The following TENM2 variants were observed in gnomAD, a reference collection of about 807,000 sequenced individuals.
TENM2 encodes the protein teneurin-2.
In TENM2, 52 loss-of-function variants were observed where a neutral mutation model predicts 245.2. The observed-to-expected ratio is 0.21, with a 90% CI of 0.17 to 0.27. TENM2 has a LOEUF of 0.27. Among genes scored for constraint, TENM2 ranks in the 10% least tolerant of loss-of-function variants. TENM2 has a pLI of 1.00. For missense variants in TENM2, 3,046 were observed against 3,666.8 expected (o/e 0.83, Z 4.37); for synonymous variants, 1,363 against 1,438.9 (o/e 0.95, Z 1.19).
chr5:168,192,403 AC>A (rs1258915839), intron 14 of TENM2, among the ~76,000 whole-genome samples: 1 of 152,166 alleles, frequency 6.6e-6, no homozygotes, highest in Non-Finnish European at 1.5e-5. Context: ...CCAAAACTTT[AC>A]CAGTCCCAGT....
At chr5:168,032,421 C>T (rs1052790077) in intron 5 of TENM2, among the ~76,000 whole-genome samples, 3 of 152,102 alleles carry the variant, frequency 2.0e-5, no homozygotes, top group African/African-American at 7.2e-5. Flanking sequence ...CAGGAAACAT[C>T]TGGGGTAGTC....
chr5:167,353,798 C>T (rs1411880964), intron 1 of TENM2, among the ~76,000 whole-genome samples: 2 of 151,900 alleles, frequency 1.3e-5, no homozygotes, highest in Non-Finnish European at 2.9e-5. Context: ...TGAGCCACCG[C>T]GCCCGGCCGT....
At chr5:167,677,354 A>T (rs1313373145) in intron 2 of TENM2, among the ~76,000 whole-genome samples, 2 of 152,052 alleles carry the variant, frequency 1.3e-5, no homozygotes, top group African/African-American at 2.4e-5. Flanking sequence ...TCTGCAAGGA[A>T]ACATTTCTTA....
chr5:167,611,801 T>G (rs987858848), intron 2 of TENM2, among the ~76,000 whole-genome samples: 1 of 152,066 alleles, frequency 6.6e-6, no homozygotes, highest in Non-Finnish European at 1.5e-5. Flanking sequence ...AAAGCAGTTC[T>G]CTGGGGCCTC....
chr5:167,327,850 G>T (rs1486052857), intron 1 of TENM2, among the ~76,000 whole-genome samples: 1 of 152,196 alleles, frequency 6.6e-6, no homozygotes, highest in African/African-American at 2.4e-5. Flanking sequence ...CCATTGTGGG[G>T]CTTTGTATGT....
At chr5:167,429,322 C>T (rs552093752) in intron 2 of TENM2, among the ~76,000 whole-genome samples, 1 of 152,222 alleles carries the variant, frequency 6.6e-6, no homozygotes, top group South Asian at 2.1e-4. Context: ...AAGCTTGCCT[C>T]CTATGTTTCT....
chr5:167,695,740 AC>A lies in TENM2; in HGVS notation c.503-180245del, dbSNP rs372902990. The stretch of plus-strand genomic sequence containing the variant: ...GAATGGTGATTTAAAAAAAAAAAAA[AC>A]AAAACAGAATTGGCTGGGTGCGGTG... On this transcript the variant is annotated intron_variant, in intron 2 of 28. Transcript: ENST00000518659. Among the ~76,000 whole-genome samples, 1,829 of 149,924 alleles carry A rather than the reference AC, an allele frequency of 0.012. 61 individuals are homozygous for A. In the East Asian group the frequency reaches 0.13, roughly 11 times the overall value.
intron 3 of TENM2, among the ~76,000 whole-genome samples, chr5:167,922,797 C>T (rs1345141122): frequency 2.0e-5 from 3 of 152,144 alleles, no homozygotes; most frequent in Non-Finnish European, 2.9e-5. Flanking sequence ...AGCCTTACCT[C>T]GGTGTAAGCA....
chr5:167,971,840 A>G (rs1046880630), intron 4 of TENM2, among the ~76,000 whole-genome samples: 1 of 152,258 alleles, frequency 6.6e-6, no homozygotes, highest in Non-Finnish European at 1.5e-5. Flanking sequence ...AAGATCACCT[A>G]GTATAGTCCA....
intron 2 of TENM2, among the ~76,000 whole-genome samples, chr5:167,785,375 T>G (rs1175919701): frequency 6.6e-6 from 1 of 152,204 alleles, no homozygotes; most frequent in African/African-American, 2.4e-5. Flanking sequence ...TTTTTTTTCC[T>G]CCTTGCTCAT....
In TENM2 at chr5:168,037,380, G is replaced by A. The variant is rs148768621; in HGVS notation, c.1187-10047G>A. 7.5e-3 allele frequency among the ~76,000 whole-genome samples: 1,148 copies of A among 152,210 alleles called. 8 individuals carry two copies. Among genetic ancestry groups the A allele is most frequent in the Non-Finnish European group, 0.012 (845 of 68,004 alleles). On this transcript the variant is annotated intron_variant, in intron 5 of 28. Transcript: ENST00000518659. The stretch of plus-strand genomic sequence containing the variant: ...GAAAAAGTACCAAGTTTGCATGCAG[G>A]AGGGAACATATCTATATTGACCACA...
chr5:167,942,942 G>A (rs540598776), intron 3 of TENM2, among the ~76,000 whole-genome samples: 51 of 152,230 alleles, frequency 3.4e-4, no homozygotes, highest in Middle Eastern at 3.4e-3. Flanking sequence ...GTGTGGGTGC[G>A]TACGTGTGTG....
In TENM2 at chr5:167,398,374, C is replaced by CT. The variant is rs377145514; in HGVS notation, c.502+22903dup. On this transcript the variant is annotated intron_variant, in intron 2 of 28. Coordinates refer to ENST00000518659, the Ensembl canonical transcript of TENM2. ...CCTTCTTTCTTTCTTTCCTTTCTTT[C>CT]TTCCTTTCTTTCTTTCTTTCTTTCT... Among the ~76,000 whole-genome samples, 16 of 91,794 alleles carry CT rather than the reference C, an allele frequency of 1.7e-4. No homozygotes were observed. The East Asian group carries it at 3.4e-3, about 20-fold the overall frequency. 60.2% of individuals were successfully genotyped at this position (91,794 alleles called of 152,430 possible).
intron 2 of TENM2, among the ~76,000 whole-genome samples, chr5:167,530,708 G>A (rs1771430617): frequency 6.6e-6 from 1 of 152,152 alleles, no homozygotes; most frequent in Non-Finnish European, 1.5e-5. Flanking sequence ...CTGTAGAGCT[G>A]TTCAGGAAAT....
At chr5:167,214,035 G>A in the TENM2 span, among the ~76,000 whole-genome samples, 1 of 152,184 alleles carries the variant, frequency 6.6e-6, no homozygotes, top group South Asian at 2.1e-4. Context: ...AAGGGATACA[G>A]GACCATAATG....
At chr5:167,233,098 ACT>A in the TENM2 span, among the ~76,000 whole-genome samples, 10 of 152,052 alleles carry the variant, frequency 6.6e-5, no homozygotes, top group African/African-American at 2.4e-4. Flanking sequence ...AACAATAAAT[ACT>A]CTGAGTTTCG....
intron 2 of TENM2, among the ~76,000 whole-genome samples, chr5:167,519,970 A>G (rs1178486434): frequency 6.6e-6 from 1 of 152,214 alleles, no homozygotes; most frequent in Non-Finnish European, 1.5e-5. Flanking sequence ...GTATTTGAAA[A>G]TACCGAAAAC....
intron 13 of TENM2, among the ~76,000 whole-genome samples, chr5:168,169,704 C>G (rs1308970289): frequency 6.6e-6 from 1 of 152,200 alleles, no homozygotes; most frequent in Non-Finnish European, 1.5e-5. Flanking sequence ...GTTCCCATGC[C>G]CAAATAGTCC....
chr5:166,999,454 A>G, the TENM2 span, among the ~76,000 whole-genome samples: 3 of 152,230 alleles, frequency 2.0e-5, no homozygotes, highest in Admixed American at 1.3e-4. Flanking sequence ...CAGATCAAGC[A>G]TAGATTAGGA....
Sources: gnomAD v4.1 joint callset for allele counts (sites outside exome capture counted in the v4.1 genomes callset) on GRCh38, gnomAD v4.1.1 for gene constraint, MANE v1.5 for transcripts, NCBI Gene and HGNC (gene_info 2026-07-23, HGNC 2026-07-21) for gene names.